LRBA: variants seen among roughly 807,000 people sequenced by gnomAD.
LRBA encodes LPS responsive beige-like anchor protein.
A neutral mutation model predicts 330.0 loss-of-function variants in LRBA; 176 were observed. That is an observed-to-expected ratio of 0.53 (90% CI 0.47 to 0.60). The LOEUF (loss-of-function observed/expected upper bound fraction) is 0.60, where lower values mean the gene tolerates loss of function less well. Among genes scored for constraint, LRBA ranks in the 20% least tolerant of loss-of-function variants. The probability of loss-of-function intolerance (pLI) is 0.00; values close to 1 mark genes in which losing one functional copy is unlikely to be tolerated. For missense variants in LRBA, 3,259 were observed against 3,444.8 expected, an observed-to-expected ratio of 0.95 and a Z score of 1.35; for synonymous variants, 1,230 against 1,193.0, an observed-to-expected ratio of 1.03 and a Z score of -0.64.
intron 37 of LRBA, among the ~76,000 whole-genome samples, chr4:150,666,163 C>T (rs756137486): frequency 6.6e-6 from 1 of 152,116 alleles, no homozygotes; most frequent in Non-Finnish European, 1.5e-5. Flanking sequence ...TCGGTATCCT[C>T]AGGTTCTGCA....
chr4:150,511,284 G>C (rs1291519074), intron 40 of LRBA, among the ~76,000 whole-genome samples: 1 of 152,138 alleles, frequency 6.6e-6, no homozygotes, highest in Non-Finnish European at 1.5e-5. Flanking sequence ...CAAAAACTTA[G>C]TTATGCTAAA....
rs879878436 is a variant in LRBA, at chr4:150,852,444, T to A, written c.3266A>T (p.Asp1089Val). Residue 1089 changes from aspartate to valine, a missense_variant, in exon 23 of 57, where the codon GAT becomes GTT. By Grantham distance (152) the Asp-to-Val change is radical (BLOSUM62 -3). Transcript: ENST00000651943. ...CAAGAATTCTGGCATCTCTGAGGCATCCTCTTCTGAAGGAGAACTTATAGA... is the reference window on the plus strand; with the variant it reads ...CAAGAATTCTGGCATCTCTGAGGCAACCTCTTCTGAAGGAGAACTTATAGA... Reference protein sequence around the residue: ...TASISSPSEEDASEMPEFLDK... With the variant: ...TASISSPSEEVASEMPEFLDK... 27 of 1,613,452 alleles carry A rather than the reference T, an allele frequency of 1.7e-5. No individual in the cohort carries two copies. Among genetic ancestry groups the A allele is most frequent in the Non-Finnish European group, 2.3e-5 (27 of 1,179,998 alleles).
At chr4:150,619,388 G>A (rs1432682276) in intron 37 of LRBA, among the ~76,000 whole-genome samples, 1 of 152,106 alleles carries the variant, frequency 6.6e-6, no homozygotes, top group African/African-American at 2.4e-5. Context: ...CCTTTATCAA[G>A]TATTGCAAAG....
At chr4:150,302,813 C>A in intron 52 of LRBA, 21 bp from the exon 53 acceptor site, 3 of 1,532,734 alleles carry the variant, frequency 2.0e-6, no homozygotes, top group Non-Finnish European at 2.6e-6. Context: ...AAACAATTTT[C>A]TTTAAAAATG....
At position 150,735,245 on chromosome 4, in the gene LRBA, A is replaced by C; in HGVS notation, c.5754+13T>G. The C allele has an allele frequency of 3.2e-6, 5 of 1,582,340 alleles. No individual in the cohort carries two copies. Among genetic ancestry groups the C allele is most frequent in the Non-Finnish European group, 3.5e-6 (4 of 1,151,358 alleles). ...ACGGTAACTTCCGCACACCAACCAT[A>C]TGTGTAACCTACCTCAAATTCCGCA... On this transcript the variant is annotated intron_variant, in intron 36 of 56. Transcript: ENST00000651943.
At chr4:150,538,774 TC>T in intron 40 of LRBA, among the ~76,000 whole-genome samples, 1 of 149,124 alleles carries the variant, frequency 6.7e-6, no homozygotes, top group Admixed American at 6.7e-5. Flanking sequence ...CAAGATCATG[TC>T]ACTGCACTCT....
intron 40 of LRBA, among the ~76,000 whole-genome samples, chr4:150,564,155 C>G (rs1051398366): frequency 6.6e-6 from 1 of 152,144 alleles, no homozygotes; most frequent in Non-Finnish European, 1.5e-5. Context: ...GCTACCGTAA[C>G]CAAAACAGCA....
chr4:150,272,641 A>C (rs989582660), intron 56 of LRBA, among the ~76,000 whole-genome samples: 90 of 151,984 alleles, frequency 5.9e-4, no homozygotes, highest in African/African-American at 2.1e-3. Context: ...GAGCTGAAAA[A>C]CACAGCACGA....
intron 42 of LRBA, among the ~76,000 whole-genome samples, chr4:150,479,735 G>A (rs2152078935): frequency 6.6e-6 from 1 of 152,244 alleles, no homozygotes; most frequent in South Asian, 2.1e-4. Flanking sequence ...TTTAAAAATT[G>A]GGGTTTCTGC....
intron 49 of LRBA, among the ~76,000 whole-genome samples, chr4:150,325,138 A>G (rs573735507): frequency 6.6e-6 from 1 of 152,172 alleles, no homozygotes; most frequent in South Asian, 2.1e-4. Flanking sequence ...TGCTCCTACC[A>G]TGGGAGCGGC....
chr4:150,954,507 A>C (rs1737302922), intron 2 of LRBA, among the ~76,000 whole-genome samples: 2 of 151,782 alleles, frequency 1.3e-5, no homozygotes, highest in African/African-American at 4.9e-5. Context: ...GTGTCCACTA[A>C]GGGTTAAATG....
At chr4:150,579,146 T>C in intron 40 of LRBA, 1 of 444,068 alleles carries the variant, frequency 2.3e-6, no homozygotes, top group Non-Finnish European at 4.5e-6. Context: ...GAATATAGTA[T>C]CTCCTGCAGA....
At chr4:150,853,591 T>C (rs1211025312) in intron 22 of LRBA, among the ~76,000 whole-genome samples, 1 of 152,194 alleles carries the variant, frequency 6.6e-6, no homozygotes, top group Non-Finnish European at 1.5e-5. Flanking sequence ...CATTTATATC[T>C]GAGTGACTAC....
chr4:150,292,566 A>G (rs747286503), intron 53 of LRBA, among the ~76,000 whole-genome samples: 2 of 152,232 alleles, frequency 1.3e-5, no homozygotes, highest in Non-Finnish European at 2.9e-5. Flanking sequence ...TACTTAGTTT[A>G]GATGACTCCT....
Position 150,828,215 on chromosome 4 carries a change from AG to A in LRBA, c.5135del (p.Ser1712LeufsTer44), listed in dbSNP as rs1480024712. On this transcript the variant is annotated frameshift_variant, in exon 30 of 57. Coordinates refer to ENST00000651943, the MANE Select transcript of LRBA (RefSeq NM_001364905.1). LOFTEE classifies it high-confidence loss of function. ...PACLGALGDL[S>X]VEQPVQFRSF... is the part of the protein sequence containing the mutation. ...ATCTGAACTGCACGGGTTGTTCCAC[AG>A]ATAGATCACCAAGGGCTCCAAGGCA... 6.2e-7 allele frequency: 1 copy of A among 1,614,108 alleles called. No individual in the cohort carries two copies.
chr4:150,956,648 A>T (rs558806984), intron 2 of LRBA, among the ~76,000 whole-genome samples: 2 of 149,178 alleles, frequency 1.3e-5, no homozygotes, highest in African/African-American at 2.6e-5. Flanking sequence ...AGCAAACCAA[A>T]TCCAGGAACA....
intron 47 of LRBA, among the ~76,000 whole-genome samples, chr4:150,356,059 T>C (rs559799950): frequency 2.0e-5 from 3 of 152,208 alleles, no homozygotes; most frequent in Non-Finnish European, 2.9e-5. Flanking sequence ...GTAATTTACA[T>C]TGAAGAAAGC....
intron 40 of LRBA, among the ~76,000 whole-genome samples, chr4:150,511,823 A>G (rs1329685459): frequency 2.6e-5 from 4 of 152,234 alleles, no homozygotes; most frequent in Non-Finnish European, 5.9e-5. Context: ...AGCCAAGTCT[A>G]TCAGACTTCT....
In LRBA at chr4:150,761,816, C is replaced by A; in HGVS notation, c.5612G>T (p.Gly1871Val). 6.5e-7 allele frequency: 1 copy of A among 1,542,504 alleles called. No homozygotes were observed. Among genetic ancestry groups the A allele is most frequent in the Non-Finnish European group, 8.7e-7 (1 of 1,150,488 alleles). ...EWQNSIQKNAGLAFIELVNEG... is the reference protein window; with the variant it reads ...EWQNSIQKNAVLAFIELVNEG... Reference sequence around the variant, plus strand: ...ATTGACAAGTTCGATAAAAGCAAGGCCTGCATTCTTCTGAATAGAATTTTG... The same window carrying A: ...ATTGACAAGTTCGATAAAAGCAAGGACTGCATTCTTCTGAATAGAATTTTG... Residue 1871 changes from glycine (G) to valine (V), a missense_variant, in exon 35 of 57, where the codon GGC becomes GTC. By Grantham distance (109) the Gly-to-Val change is moderately radical. Coordinates refer to ENST00000651943, the MANE Select transcript of LRBA (RefSeq NM_001364905.1).
Sources: allele counts gnomAD v4.1 joint callset (sites outside exome capture counted in the v4.1 genomes callset), GRCh38; gene constraint gnomAD v4.1.1; transcripts MANE v1.5; gene names NCBI Gene and HGNC (gene_info 2026-07-23, HGNC 2026-07-21).